ARPP19: variants seen among roughly 807,000 people sequenced by gnomAD.
ARPP19 encodes cAMP-regulated phosphoprotein 19.
ARPP19 carries 8 observed loss-of-function variants against 12.0 expected under a neutral mutation model. The ratio of observed to expected loss-of-function variants is 0.67; its 90% CI spans 0.39 to 1.21. The LOEUF is 1.21. ARPP19 is among the 50% of genes most tolerant of loss of function. The probability of loss-of-function intolerance (pLI) is 0.01; values close to 1 mark genes in which losing one functional copy is unlikely to be tolerated. For missense variants in ARPP19, 102 were observed against 136.3 expected (o/e 0.75, Z 1.25); for synonymous variants, 47 against 50.4 (o/e 0.93, Z 0.29).
intron 1 of ARPP19, among the ~76,000 whole-genome samples, chr15:52,566,851 C>T (rs189014832): frequency 1.1e-4 from 17 of 152,282 alleles, no homozygotes; most frequent in Admixed American, 1.1e-3. Flanking sequence ...TCTTCTCTTA[C>T]CAAGGGTGCA....
chr15:52,560,234 T>C (rs1284264706), intron 1 of ARPP19, among the ~76,000 whole-genome samples: 3 of 151,602 alleles, frequency 2.0e-5, no homozygotes, highest in Non-Finnish European at 2.9e-5. Context: ...TGACCCCAGG[T>C]CATCTGCCCG....
At chr15:52,555,078 A>C (rs1158775539) in intron 2 of ARPP19, among the ~76,000 whole-genome samples, 1 of 152,052 alleles carries the variant, frequency 6.6e-6, no homozygotes, top group Admixed American at 6.5e-5. Context: ...CTTCATATAA[A>C]ATAACTTATT....
At chr15:52,565,817 T>C (rs1392430391) in intron 1 of ARPP19, among the ~76,000 whole-genome samples, 1 of 152,252 alleles carries the variant, frequency 6.6e-6, no homozygotes, top group East Asian at 1.9e-4. Flanking sequence ...ATCAAAAATT[T>C]AGACTGGCTT....
intron 1 of ARPP19, among the ~76,000 whole-genome samples, chr15:52,567,057 C>A (rs890930323): frequency 6.6e-6 from 1 of 152,176 alleles, no homozygotes; most frequent in African/African-American, 2.4e-5. Context: ...TCGAACTGAT[C>A]TTCCAAATAG....
At position 52,556,914 on chromosome 15, in the gene ARPP19, T is replaced by C. The variant is rs527812022; in HGVS notation, c.168+186A>G. On this transcript the variant is annotated intron_variant, in intron 2 of 2. Transcript: ENST00000249822. ...GTTTATTATTAAAAATGCTGAAGAG[T>C]TGTAGATTCTCACAATGCTTATTTA... 295 of 512,894 alleles carry C rather than the reference T, an allele frequency of 5.8e-4. 1 individual carries two copies. The highest frequency in any genetic ancestry group is 8.9e-4 in the Non-Finnish European group (265 of 298,594). 31.8% of individuals were successfully genotyped at this position (512,894 alleles called of 1,614,324 possible). A position where few individuals can be genotyped will look rare whatever the true frequency, so the allele number is the denominator to read the frequency against.
intron 1 of ARPP19, chr15:52,568,309 C>T (rs1259185115): frequency 6.5e-6 from 1 of 152,720 alleles, no homozygotes; most frequent in Non-Finnish European, 1.5e-5. Context: ...CCTCACCCCG[C>T]CGTGGGAGGC....
intron 2 of ARPP19, among the ~76,000 whole-genome samples, chr15:52,553,615 C>T (rs2077955602): frequency 6.6e-6 from 1 of 152,166 alleles, no homozygotes; most frequent in Non-Finnish European, 1.5e-5. Flanking sequence ...CTATATGGTG[C>T]TCAAAGAAGG....
At chr15:52,555,977 T>C (rs1004271824) in intron 2 of ARPP19, among the ~76,000 whole-genome samples, 1 of 152,094 alleles carries the variant, frequency 6.6e-6, no homozygotes, top group Admixed American at 6.5e-5. Flanking sequence ...GTATGTATTT[T>C]AGACATTAAC....
upstream of ARPP19, among the ~76,000 whole-genome samples, chr15:52,569,428 C>T (rs2078120779): frequency 1.3e-5 from 2 of 152,248 alleles, no homozygotes; most frequent in South Asian, 4.1e-4. Context: ...CTTCACATCT[C>T]CAGTCCTACG....
chr15:52,563,264 G>A (rs903503633), intron 1 of ARPP19, among the ~76,000 whole-genome samples: 1 of 152,086 alleles, frequency 6.6e-6, no homozygotes, highest in African/African-American at 2.4e-5. Context: ...AAAAATAGAT[G>A]CTGTAATGTA....
intron 2 of ARPP19, among the ~76,000 whole-genome samples, chr15:52,555,168 C>T (rs2077970233): frequency 6.6e-6 from 1 of 152,032 alleles, no homozygotes; most frequent in South Asian, 2.1e-4. Context: ...GATTCAGTAG[C>T]ATTTTCTTCA....
At chr15:52,561,014 T>A (rs556755315) in intron 1 of ARPP19, among the ~76,000 whole-genome samples, 3 of 152,362 alleles carry the variant, frequency 2.0e-5, no homozygotes, top group African/African-American at 7.2e-5. Context: ...TTCCTTCTAA[T>A]AATTTGTAAC....
chr15:52,567,316 A>T (rs887199135), intron 1 of ARPP19, among the ~76,000 whole-genome samples: 7 of 152,254 alleles, frequency 4.6e-5, no homozygotes, highest in African/African-American at 1.7e-4. Context: ...TTGTTAAAAG[A>T]TACATTAGGC....
upstream of ARPP19, chr15:52,569,042 G>T: frequency 1.6e-6 from 1 of 616,788 alleles, no homozygotes; most frequent in Non-Finnish European, 2.8e-6. Context: ...ACACGGAGCC[G>T]CGAAACGCTC....
chr15:52,556,996 C>G (rs565961031), intron 2 of ARPP19, 104 bp downstream of exon 2: 8 of 1,261,094 alleles, frequency 6.3e-6, no homozygotes, highest in Non-Finnish European at 8.9e-6. Context: ...TATGTACATA[C>G]CTGATAAAGT....
At chr15:52,564,739 G>C (rs1426154538) in intron 1 of ARPP19, among the ~76,000 whole-genome samples, 1 of 151,698 alleles carries the variant, frequency 6.6e-6, no homozygotes, top group Non-Finnish European at 1.5e-5. Context: ...AAAAAATTAA[G>C]GCCACAACAC....
In ARPP19 at chr15:52,551,155, T is replaced by G. The variant is rs544257611; in HGVS notation, c.*779A>C. On this transcript the variant is annotated 3_prime_UTR_variant, in exon 3 of 3. Transcript: ENST00000249822. ...CTTCTGGTTGGCACATTATCTACTT[T>G]TTAAGTATGTGAAATTAATACAGAC... 7 of 152,800 alleles carry G rather than the reference T, an allele frequency of 4.6e-5. No individual in the cohort carries two copies. The highest frequency in any genetic ancestry group is 7.3e-5 in the Non-Finnish European group (5 of 68,050). The allele number at this position is 152,800 out of a possible 1,614,324, so 9.5% of individuals were successfully genotyped here. A position where few individuals can be genotyped will look rare whatever the true frequency, so the allele number is the denominator to read the frequency against.
chr15:52,566,868 A>G (rs2078087845), intron 1 of ARPP19, among the ~76,000 whole-genome samples: 1 of 152,234 alleles, frequency 6.6e-6, no homozygotes, highest in South Asian at 2.1e-4. Context: ...TGCACACACC[A>G]CTCAAGATAG....
In ARPP19 at chr15:52,550,329, TAGG is replaced by T. The variant is rs999406221; in HGVS notation, c.*1602_*1604del. The T allele has an allele frequency of 2.6e-5, 4 of 152,240 alleles. No individual in the cohort carries two copies. Among genetic ancestry groups the T allele is most frequent in the Non-Finnish European group, 4.4e-5 (3 of 68,044 alleles). 9.4% of individuals were successfully genotyped at this position (152,240 alleles called of 1,614,324 possible). On this transcript the variant is annotated 3_prime_UTR_variant, in exon 3 of 3. Transcript: ENST00000249822. The stretch of plus-strand genomic sequence containing the variant: ...GAAGCAAACATCTAAACATTTTTAA[TAGG>T]AGTTTTACCTGTCATGTAAATTACT...
Sources: gnomAD v4.1 joint callset for allele counts (sites outside exome capture counted in the v4.1 genomes callset) on GRCh38, gnomAD v4.1.1 for gene constraint, MANE v1.5 for transcripts, NCBI Gene and HGNC (gene_info 2026-07-23, HGNC 2026-07-21) for gene names.